Variants in PHF21B observed in about 807,000 individuals in gnomAD.
PHF21B encodes PHD finger protein 4.
A neutral mutation model predicts 62.2 loss-of-function variants in PHF21B; 22 were observed. The observed-to-expected ratio is 0.35, with a 90% CI of 0.25 to 0.51. PHF21B has a LOEUF of 0.51. Among genes scored for constraint, PHF21B ranks in the 20% least tolerant of loss-of-function variants. The probability of loss-of-function intolerance (pLI) is 0.97; values close to 1 mark genes in which losing one functional copy is unlikely to be tolerated. For synonymous variants in PHF21B, 341 were observed against 314.7 expected, an observed-to-expected ratio of 1.08 and a Z score of -0.88; for missense variants, 701 against 707.9, an observed-to-expected ratio of 0.99 and a Z score of 0.11.
At chr22:44,929,069 C>T (rs910027092) in intron 2 of PHF21B, among the ~76,000 whole-genome samples, 7 of 152,236 alleles carry the variant, frequency 4.6e-5, no homozygotes, top group Admixed American at 6.5e-5. Context: ...CCACAGAGCA[C>T]GGCAATTTAA....
At chr22:44,943,282 G>A (rs1386546275) in intron 2 of PHF21B, among the ~76,000 whole-genome samples, 3 of 152,278 alleles carry the variant, frequency 2.0e-5, no homozygotes, top group African/African-American at 7.2e-5. Flanking sequence ...CACAGCCAGG[G>A]GCTCGGGGAC....
intron 3 of PHF21B, 39 bp from the exon 4 acceptor site, chr22:44,916,669 C>G: frequency 6.3e-7 from 1 of 1,580,764 alleles, no homozygotes; most frequent in Non-Finnish European, 8.6e-7. Flanking sequence ...GACAGGCAGA[C>G]ACACAGGAGT....
At chr22:44,936,870 C>CTTTTTTTTT (rs370585353) in intron 2 of PHF21B, among the ~76,000 whole-genome samples, 1 of 128,644 alleles carries the variant, frequency 7.8e-6, no homozygotes, top group Non-Finnish European at 1.6e-5. Flanking sequence ...CACTTTCTTT[C>CTTTTTTTTT]TTTTTTTTTT....
In PHF21B at chr22:44,889,772, G is replaced by T; in HGVS notation, c.1026C>A (p.Asp342Glu). ...AGGGGACACGTACCTTCCAGCAGGGGTCCTCATTGGCTAGCACAGGGAAGA... is the reference window on the plus strand; with the variant it reads ...AGGGGACACGTACCTTCCAGCAGGGTTCCTCATTGGCTAGCACAGGGAAGA... ...PLFLTARANE[D>E]PCWKNEITHD... The change falls in exon 9 of 13, where the codon GAC becomes GAA. Residue 342 changes from aspartate (D) to glutamate (E), a missense_variant. Asp to Glu is a conservative substitution (Grantham distance 45, BLOSUM62 2). Coordinates refer to ENST00000313237, the MANE Select transcript of PHF21B (RefSeq NM_138415.5). 6.4e-7 allele frequency: 1 copy of T among 1,565,096 alleles called. No homozygotes were observed. Among genetic ancestry groups the T allele is most frequent in the Non-Finnish European group, 8.6e-7 (1 of 1,162,262 alleles).
chr22:44,940,788 G>A (rs950447151), intron 2 of PHF21B, among the ~76,000 whole-genome samples: 1 of 152,152 alleles, frequency 6.6e-6, no homozygotes, highest in Non-Finnish European at 1.5e-5. Flanking sequence ...AAGGCTCAGG[G>A]ACTAGAGGCA....
At chr22:44,944,679 G>A (rs2072028506) in intron 2 of PHF21B, among the ~76,000 whole-genome samples, 1 of 152,208 alleles carries the variant, frequency 6.6e-6, no homozygotes, top group South Asian at 2.1e-4. Flanking sequence ...TGTGGATGGT[G>A]GGGTCCTGGC....
At chr22:44,967,856 G>GACC (rs1872037279) in intron 2 of PHF21B, among the ~76,000 whole-genome samples, 1 of 152,162 alleles carries the variant, frequency 6.6e-6, no homozygotes, top group East Asian at 1.9e-4. Context: ...TGTTATTGAT[G>GACC]ACCTGGACAG....
At chr22:44,954,956 G>A (rs1028573126) in intron 2 of PHF21B, among the ~76,000 whole-genome samples, 2 of 152,234 alleles carry the variant, frequency 1.3e-5, no homozygotes, top group African/African-American at 2.4e-5. Flanking sequence ...GTTGGGAGCA[G>A]GCGGGGACAA....
chr22:44,950,339 A>C (rs955430162), intron 2 of PHF21B, among the ~76,000 whole-genome samples: 7 of 152,334 alleles, frequency 4.6e-5, no homozygotes, highest in Admixed American at 1.3e-4. Context: ...CGTTTCATCA[A>C]TTCATCTAGT....
chr22:44,885,395 A>C, intron 12 of PHF21B, 31 bp downstream of exon 12: 1 of 1,539,378 alleles, frequency 6.5e-7, no homozygotes, highest in Non-Finnish European at 8.7e-7. Flanking sequence ...TGCAGGGCTG[A>C]GGCCAGCCTC....
At chr22:44,915,285 G>A (rs534579168) in intron 4 of PHF21B, among the ~76,000 whole-genome samples, 1 of 152,356 alleles carries the variant, frequency 6.6e-6, no homozygotes, top group South Asian at 2.1e-4. Context: ...ATTCTTAAGT[G>A]TAAGAAAAAC....
intron 9 of PHF21B, 116 bp from the exon 10 acceptor site, chr22:44,888,237 C>T (rs1425393780): frequency 1.7e-6 from 2 of 1,163,550 alleles, no homozygotes; most frequent in Non-Finnish European, 2.3e-6. Flanking sequence ...GCTCTTCTGC[C>T]AACGTTTCCC....
Position 44,889,523 on chromosome 22 carries a change from A to C in PHF21B, c.1038+237T>G, listed in dbSNP as rs573611803. Among the ~76,000 whole-genome samples, 25 of 152,256 alleles carry C rather than the reference A, an allele frequency of 1.6e-4. No individual in the cohort carries two copies. In the East Asian group the frequency reaches 4.8e-3, roughly 29 times the overall value. On this transcript the variant is annotated intron_variant, in intron 9 of 12. Coordinates refer to ENST00000313237, the MANE Select transcript of PHF21B (RefSeq NM_138415.5). Reference sequence around the variant, plus strand: ...TCTGCATCCTCAATTCTGAGGAGGGAGGGCTCCTGTTTGAAGCTGAGAGCA... The same window carrying C: ...TCTGCATCCTCAATTCTGAGGAGGGCGGGCTCCTGTTTGAAGCTGAGAGCA...
At chr22:44,951,340 G>A (rs567276488) in intron 2 of PHF21B, among the ~76,000 whole-genome samples, 13 of 152,108 alleles carry the variant, frequency 8.5e-5, no homozygotes, top group East Asian at 5.8e-4. Flanking sequence ...TATGAAAATC[G>A]AATGCTGCTG....
chr22:44,984,475 T>C (rs2072912483), intron 2 of PHF21B, among the ~76,000 whole-genome samples: 1 of 152,166 alleles, frequency 6.6e-6, no homozygotes, highest in Non-Finnish European at 1.5e-5. Context: ...CAGTGGTGGA[T>C]TCCCCAGGTA....
chr22:44,973,124 G>A (rs2147454015), intron 2 of PHF21B, among the ~76,000 whole-genome samples: 1 of 152,318 alleles, frequency 6.6e-6, no homozygotes, highest in South Asian at 2.1e-4. Flanking sequence ...GGTGGAGTCT[G>A]TGTGTCTGTG....
chr22:44,958,446 T>A (rs1376279590), intron 2 of PHF21B, among the ~76,000 whole-genome samples: 3 of 152,170 alleles, frequency 2.0e-5, no homozygotes. Flanking sequence ...TGCATCCATA[T>A]GGTTCTCTCT....
intron 2 of PHF21B, among the ~76,000 whole-genome samples, chr22:44,965,874 G>A (rs995552806): frequency 1.3e-5 from 2 of 152,118 alleles, no homozygotes; most frequent in African/African-American, 4.8e-5. Context: ...GGCACAGGGG[G>A]TCAGGACACC....
At position 44,961,399 on chromosome 22, in the gene PHF21B, C is replaced by A. The variant is rs140376628; in HGVS notation, c.121-40909G>T. 3.3e-3 allele frequency among the ~76,000 whole-genome samples: 503 copies of A among 152,284 alleles called. 4 individuals carry two copies. The highest frequency in any genetic ancestry group is 0.011 in the African/African-American group (477 of 41,556). On this transcript the variant is annotated intron_variant, in intron 2 of 12. Coordinates refer to ENST00000313237, the MANE Select transcript of PHF21B (RefSeq NM_138415.5). ...AGCACAGTACCCAACAGGTTTTCAA[C>A]CCTCGCTCCCCTCCTTCCCTCTCTG...
Sources: gnomAD v4.1 joint callset for allele counts (sites outside exome capture counted in the v4.1 genomes callset) on GRCh38, gnomAD v4.1.1 for gene constraint, MANE v1.5 for transcripts, NCBI Gene and HGNC (gene_info 2026-07-23, HGNC 2026-07-21) for gene names.